The following HECW1 variants were observed in gnomAD, a reference collection of about 807,000 sequenced individuals.
HECW1 encodes HECT, C2 and WW domain containing E3 ubiquitin protein ligase 1.
HECW1 carries 61 observed loss-of-function variants against 182.3 expected under a neutral mutation model. The ratio of observed to expected loss-of-function variants is 0.33; its 90% CI spans 0.27 to 0.41. The LOEUF is 0.41. Among genes scored for constraint, HECW1 ranks in the 10% least tolerant of loss-of-function variants. The pLI is 1.00. For missense variants in HECW1, 1,739 were observed against 2,108.9 expected (o/e 0.82, Z 3.44); for synonymous variants, 859 against 832.6 (o/e 1.03, Z -0.55).
intron 4 of HECW1, among the ~76,000 whole-genome samples, chr7:43,319,152 C>A (rs1269461391): frequency 1.3e-5 from 2 of 152,076 alleles, no homozygotes; most frequent in African/African-American, 4.8e-5. Flanking sequence ...CTTTGGGAGG[C>A]CGAGGCGGGT....
In HECW1 at chr7:43,330,696, G is replaced by A. The variant is rs933385572; in HGVS notation, c.460+9954G>A. ...GCTATGGGCTTTGTCTAAATAGTTC[G>A]AGGAGTTGGTGAGAAAGACTGTAGG... is the stretch of plus-strand genomic sequence containing the variant. On this transcript the variant is annotated intron_variant, in intron 5 of 29. Transcript: ENST00000395891. Among the ~76,000 whole-genome samples, 31 of 152,332 alleles carry A rather than the reference G, an allele frequency of 2.0e-4. 1 individual carries two copies. The highest frequency in any genetic ancestry group is 5.8e-4 in the African/African-American group (24 of 41,580).
chr7:43,369,285 T>G (rs1817017422), intron 6 of HECW1, among the ~76,000 whole-genome samples: 1 of 151,864 alleles, frequency 6.6e-6, no homozygotes, highest in African/African-American at 2.4e-5. Context: ...AAGGAGAAAC[T>G]CCATCTCTAC....
At chr7:43,492,527 T>A (rs2078970787) in intron 18 of HECW1, among the ~76,000 whole-genome samples, 1 of 152,250 alleles carries the variant, frequency 6.6e-6, no homozygotes, top group African/African-American at 2.4e-5. Context: ...AGACAGTTTT[T>A]AATGTATACC....
At chr7:43,531,558 C>G (rs1420556388) in intron 24 of HECW1, among the ~76,000 whole-genome samples, 1 of 152,206 alleles carries the variant, frequency 6.6e-6, no homozygotes, top group Non-Finnish European at 1.5e-5. Context: ...ACTGACCACT[C>G]CACTGCTCCC....
intron 8 of HECW1, among the ~76,000 whole-genome samples, chr7:43,420,061 G>GTAAA (rs1348138546): frequency 6.6e-6 from 1 of 152,224 alleles, no homozygotes; most frequent in Non-Finnish European, 1.5e-5. Flanking sequence ...TAAGGAAGAG[G>GTAAA]AACAGGCTAT....
At chr7:43,193,746 A>G (rs548045008) in intron 2 of HECW1, among the ~76,000 whole-genome samples, 1 of 151,814 alleles carries the variant, frequency 6.6e-6, no homozygotes, top group Non-Finnish European at 1.5e-5. Context: ...ACCAATTATT[A>G]TTTTAGAGAG....
chr7:43,390,866 T>C (rs1345387743), intron 6 of HECW1, among the ~76,000 whole-genome samples: 1 of 152,134 alleles, frequency 6.6e-6, no homozygotes, highest in Non-Finnish European at 1.5e-5. Context: ...ATGGCTGGAA[T>C]GTAACAAAGA....
chr7:43,348,040 A>G (rs1448365736), intron 5 of HECW1, among the ~76,000 whole-genome samples: 2 of 152,200 alleles, frequency 1.3e-5, no homozygotes, highest in African/African-American at 4.8e-5. Context: ...TCACAGAATG[A>G]ATTAGAGAGG....
At chr7:43,494,167 T>G (rs2079032615) in intron 19 of HECW1, among the ~76,000 whole-genome samples, 1 of 152,064 alleles carries the variant, frequency 6.6e-6, no homozygotes. Context: ...CAACACCCCC[T>G]CATTGACACC....
At chr7:43,262,219 T>C (rs1269952752) in intron 3 of HECW1, among the ~76,000 whole-genome samples, 1 of 148,164 alleles carries the variant, frequency 6.7e-6, no homozygotes, top group Non-Finnish European at 1.5e-5. Context: ...AGACACTGTC[T>C]CAAAAAATAT....
intron 3 of HECW1, among the ~76,000 whole-genome samples, chr7:43,247,592 C>A (rs963854268): frequency 1.3e-5 from 2 of 150,356 alleles, no homozygotes; most frequent in Non-Finnish European, 3.0e-5. Flanking sequence ...GGGCTATAAT[C>A]GTGCCATTGC....
chr7:43,283,469 A>G (rs988809503), intron 3 of HECW1, among the ~76,000 whole-genome samples: 1 of 152,370 alleles, frequency 6.6e-6, no homozygotes, highest in Admixed American at 6.5e-5. Context: ...TTTATTTTGC[A>G]TAAAATATGT....
At chr7:43,525,511 C>G (rs2080721277) in intron 24 of HECW1, among the ~76,000 whole-genome samples, 1 of 152,126 alleles carries the variant, frequency 6.6e-6, no homozygotes, top group Non-Finnish European at 1.5e-5. Context: ...ACTGGAATGA[C>G]AGGAGGGGTG....
chr7:43,203,475 T>G (rs905194462), intron 2 of HECW1, among the ~76,000 whole-genome samples: 3 of 152,128 alleles, frequency 2.0e-5, no homozygotes, highest in African/African-American at 4.8e-5. Flanking sequence ...TACTTTTTGT[T>G]TTTTTCTTGC....
chr7:43,360,586 A>T (rs1292608807), intron 5 of HECW1, among the ~76,000 whole-genome samples: 1 of 152,222 alleles, frequency 6.6e-6, no homozygotes, highest in Admixed American at 6.5e-5. Flanking sequence ...CCCACCTCAC[A>T]TCTTAGAACT....
intron 17 of HECW1, among the ~76,000 whole-genome samples, chr7:43,485,778 C>T (rs2152912928): frequency 6.6e-6 from 1 of 152,252 alleles, no homozygotes; most frequent in South Asian, 2.1e-4. Flanking sequence ...CTGGGTGAGT[C>T]AGTGAGTGAG....
At chr7:43,282,920 C>T (rs1345492267) in intron 3 of HECW1, among the ~76,000 whole-genome samples, 1 of 152,100 alleles carries the variant, frequency 6.6e-6, no homozygotes, top group Non-Finnish European at 1.5e-5. Flanking sequence ...GAGTTCGAGA[C>T]CAGCCTGGCC....
intron 8 of HECW1, among the ~76,000 whole-genome samples, chr7:43,427,213 C>T (rs1300836045): frequency 1.3e-5 from 2 of 152,166 alleles, no homozygotes; most frequent in Non-Finnish European, 2.9e-5. Flanking sequence ...GTTTCCCCAA[C>T]TATGATCAAT....
At chr7:43,162,578 C>T (rs1790658574) in intron 2 of HECW1, among the ~76,000 whole-genome samples, 2 of 152,238 alleles carry the variant, frequency 1.3e-5, no homozygotes, top group Non-Finnish European at 2.9e-5. Context: ...GCACCCTTTT[C>T]CCAGATAAGG....
Sources: allele counts gnomAD v4.1 joint callset (sites outside exome capture counted in the v4.1 genomes callset), GRCh38; gene constraint gnomAD v4.1.1; transcripts MANE v1.5; gene names NCBI Gene and HGNC (gene_info 2026-07-23, HGNC 2026-07-21).